Variants in CPPED1 observed in about 807,000 individuals in gnomAD.
CPPED1 encodes the protein serine/threonine-protein phosphatase CPPED1.
A neutral mutation model predicts 28.0 loss-of-function variants in CPPED1; 28 were observed. That is an observed-to-expected ratio of 1.00 (90% CI 0.74 to 1.37). The LOEUF (loss-of-function observed/expected upper bound fraction) is 1.37. Among genes scored for constraint, CPPED1 ranks in the 40% most tolerant of loss-of-function variants. CPPED1 has a pLI of 0.00. For synonymous variants in CPPED1, 198 were observed against 180.2 expected, an observed-to-expected ratio of 1.10 and a Z score of -0.79; for missense variants, 504 against 416.5, an observed-to-expected ratio of 1.21 and a Z score of -1.83.
chr16:12,780,299 C>G (rs1266411216), intron 2 of CPPED1, among the ~76,000 whole-genome samples: 1 of 152,112 alleles, frequency 6.6e-6, no homozygotes, highest in African/African-American at 2.4e-5. Flanking sequence ...CATGCCTCAG[C>G]CTCCTGAGTA....
intron 3 of CPPED1, among the ~76,000 whole-genome samples, chr16:12,687,123 T>C (rs924417821): frequency 2.0e-5 from 3 of 152,196 alleles, no homozygotes; most frequent in Non-Finnish European, 4.4e-5. Flanking sequence ...TATTTAATCA[T>C]GCTCTTTACA....
At chr16:12,773,824 G>A (rs567522323) in intron 2 of CPPED1, among the ~76,000 whole-genome samples, 6 of 152,294 alleles carry the variant, frequency 3.9e-5, no homozygotes, top group East Asian at 1.9e-4. Context: ...GCATCACCGC[G>A]ATTCCTGACT....
Position 12,704,841 on chromosome 16 carries a change from C to T in CPPED1, c.498G>A (p.Gln166=). Residue 166 remains glutamine, a synonymous_variant, in exon 3 of 4, where the codon CAG becomes CAA. Transcript: ENST00000381774. ...GGCATTTGGAGGGGTTCTCGTAGAA[C>T]TGGGAGTTGAGGACCAGGAACAGGA... ...GGVLFLVLNS[Q]FYENPSKCPS... is the part of the protein sequence containing the mutation. 1 of 1,614,216 alleles carries T rather than the reference C, an allele frequency of 6.2e-7. No individual in the cohort carries two copies. The highest frequency in any genetic ancestry group is 8.5e-7 in the Non-Finnish European group (1 of 1,180,034).
intron 1 of CPPED1, among the ~76,000 whole-genome samples, chr16:12,802,407 G>A (rs747963779): frequency 6.6e-6 from 1 of 152,112 alleles, no homozygotes; most frequent in African/African-American, 2.4e-5. Context: ...TTCGAGACCA[G>A]CCTGGCCAAC....
intron 2 of CPPED1, among the ~76,000 whole-genome samples, chr16:12,773,698 C>T (rs756082599): frequency 1.3e-5 from 2 of 151,998 alleles, no homozygotes; most frequent in African/African-American, 2.4e-5. Flanking sequence ...CCAGCCTGGG[C>T]GACAGAGTGA....
rs992035103 is a variant in CPPED1 at position 12,682,461 on chromosome 16, T to C, written c.716-17346A>G. 2.6e-5 allele frequency among the ~76,000 whole-genome samples: 4 copies of C among 152,216 alleles called. No homozygotes were observed. The South Asian group carries it at 6.2e-4, about 24-fold the overall frequency. On this transcript the variant is annotated intron_variant, in intron 3 of 3. Transcript: ENST00000381774. This position sits in a 1 kb window ranked among gnomAD's most constrained non-coding sequence, Gnocchi z 6.1. ...GGCTGTATTTTTTTAATACTAATAT[T>C]TGGTTGTCAGAAAAGCAGTGGCAGC...
chr16:12,796,513 A>C (rs114118669), intron 1 of CPPED1, among the ~76,000 whole-genome samples: 3,416 of 152,030 alleles, frequency 0.022, 88 homozygotes, highest in East Asian at 0.11. Context: ...AACAAAAAAA[A>C]CTCACAATGA....
At chr16:12,674,164 T>G (rs2079866535) in intron 3 of CPPED1, among the ~76,000 whole-genome samples, 1 of 152,224 alleles carries the variant, frequency 6.6e-6, no homozygotes, top group Non-Finnish European at 1.5e-5. Context: ...AATGAGGAAC[T>G]TGGCCTTCTG....
intron 1 of CPPED1, among the ~76,000 whole-genome samples, chr16:12,790,431 C>T (rs2080589239): frequency 6.6e-6 from 1 of 152,076 alleles, no homozygotes; most frequent in Non-Finnish European, 1.5e-5. Context: ...TGAAGGTGCC[C>T]CCAAAAGCAA....
Position 12,742,637 on chromosome 16 carries a change from GGTA to G in CPPED1, c.290-37591_290-37589del, listed in dbSNP as rs1479223292. Among the ~76,000 whole-genome samples the G allele has an allele frequency of 2.6e-5, 4 of 152,240 alleles. No homozygotes were observed. In the East Asian group the frequency reaches 7.7e-4, roughly 29 times the overall value. ...ATGCACCCTGCACTGAAAAATCAGGGGTAGTAGATGGATGTTCAGATGAAGACA... is the reference window on the plus strand; with the variant it reads ...ATGCACCCTGCACTGAAAAATCAGGGGTAGATGGATGTTCAGATGAAGACA... On this transcript the variant is annotated intron_variant, in intron 2 of 3. Coordinates refer to ENST00000381774, the MANE Select transcript of CPPED1 (RefSeq NM_018340.3).
chr16:12,803,536 C>T (rs1031888885), intron 1 of CPPED1, among the ~76,000 whole-genome samples, 171 bp downstream of exon 1: 1 of 152,234 alleles, frequency 6.6e-6, no homozygotes, highest in Admixed American at 6.5e-5. Context: ...CTCTCAACTG[C>T]GCCCCTGGAA....
intron 3 of CPPED1, among the ~76,000 whole-genome samples, chr16:12,667,483 G>C (rs2141164503): frequency 6.6e-6 from 1 of 152,282 alleles, no homozygotes; most frequent in Middle Eastern, 3.4e-3. Flanking sequence ...GCCAGGCATG[G>C]TGGCTCATGC....
chr16:12,715,461 A>G (rs1400571890), intron 2 of CPPED1, among the ~76,000 whole-genome samples: 2 of 152,054 alleles, frequency 1.3e-5, no homozygotes, highest in Admixed American at 1.3e-4. Flanking sequence ...AGAGTTCGAG[A>G]CTAGCCTGGC....
rs71393703 is a variant in CPPED1 at position 12,766,242 on chromosome 16, A to AATATATATATATATATAT, written c.289+14942_289+14943insATATATATATATATATAT. On this transcript the variant is annotated intron_variant, in intron 2 of 3. Transcript: ENST00000381774. ...ACCCCATCTCTACAAAAAAAATACA[A>AATATATATATATATATAT]ATATATATATATATAGAGAGAGAGA... Among the ~76,000 whole-genome samples the AATATATATATATATATAT allele has an allele frequency of 4.4e-4, 56 of 126,588 alleles. 3 individuals are homozygous for AATATATATATATATATAT. Among genetic ancestry groups the AATATATATATATATATAT allele is most frequent in the African/African-American group, 1.7e-3 (47 of 26,868 alleles). 83.0% of individuals were successfully genotyped at this position (126,588 alleles called of 152,430 possible).
intron 2 of CPPED1, among the ~76,000 whole-genome samples, chr16:12,755,569 T>G: frequency 7.1e-6 from 1 of 140,298 alleles, no homozygotes; most frequent in South Asian, 2.1e-4. Context: ...AGGCATGAAC[T>G]ACCACACCCT....
rs574811045 is a variant in CPPED1 at position 12,745,273 on chromosome 16, C to T, written c.289+35912G>A. Among the ~76,000 whole-genome samples the T allele has an allele frequency of 2.6e-4, 39 of 152,224 alleles. 1 individual carries two copies. Among genetic ancestry groups the T allele is most frequent in the South Asian group, 2.5e-3 (12 of 4,820 alleles). ...TTCACAGACTAAGAACCTCAATGAA[C>T]TCTGAATGAAAGAAACATAAAGAAG... On this transcript the variant is annotated intron_variant, in intron 2 of 3. Transcript: ENST00000381774.
chr16:12,734,836 C>A (rs1189427833), intron 2 of CPPED1, among the ~76,000 whole-genome samples: 2 of 152,094 alleles, frequency 1.3e-5, no homozygotes, highest in Non-Finnish European at 2.9e-5. Flanking sequence ...TTGCACCCCA[C>A]AAAAATCACA....
intron 1 of CPPED1, among the ~76,000 whole-genome samples, chr16:12,799,923 C>A (rs373202218): frequency 6.6e-6 from 1 of 152,302 alleles, no homozygotes; most frequent in East Asian, 1.9e-4. Flanking sequence ...GAGTCACTCT[C>A]TCCTCCTATC....
At chr16:12,702,997 A>C (rs1427034397) in intron 3 of CPPED1, among the ~76,000 whole-genome samples, 1 of 140,626 alleles carries the variant, frequency 7.1e-6, no homozygotes, top group Non-Finnish European at 1.5e-5. Context: ...GGGTGACAAG[A>C]GCGGGACTCC....
Sources: allele counts gnomAD v4.1 joint callset (sites outside exome capture counted in the v4.1 genomes callset), GRCh38; gene constraint gnomAD v4.1.1; non-coding constraint Gnocchi (gnomAD v3.1); transcripts MANE v1.5; gene names NCBI Gene and HGNC (gene_info 2026-07-23, HGNC 2026-07-21).